The following TFAP4 variants were observed in gnomAD, a reference collection of about 807,000 sequenced individuals.
TFAP4 encodes transcription factor AP-4.
In TFAP4, 7 loss-of-function variants were observed where a neutral mutation model predicts 40.4. The ratio of observed to expected loss-of-function variants is 0.17; its 90% CI spans 0.10 to 0.33. The LOEUF (loss-of-function observed/expected upper bound fraction) is 0.33. Among genes scored for constraint, TFAP4 ranks in the 10% least tolerant of loss-of-function variants. The probability of loss-of-function intolerance (pLI) is 1.00; values close to 1 mark genes in which losing one functional copy is unlikely to be tolerated. For synonymous variants in TFAP4, 218 were observed against 181.4 expected, an observed-to-expected ratio of 1.20 and a Z score of -1.62; for missense variants, 374 against 451.1, an observed-to-expected ratio of 0.83 and a Z score of 1.55.
intron 1 of TFAP4, chr16:4,268,148 G>A (rs928590109): frequency 6.6e-6 from 1 of 152,254 alleles, no homozygotes; most frequent in African/African-American, 2.4e-5. Flanking sequence ...GATCAAGAAA[G>A]GCCAGGCACG....
chr16:4,264,124 G>C (rs1399504483), intron 1 of TFAP4: 1 of 152,594 alleles, frequency 6.6e-6, no homozygotes, highest in African/African-American at 2.4e-5. Context: ...AAGGGTTCTG[G>C]GCAGCTCCTG....
chr16:4,270,342 G>C (rs891539223), intron 1 of TFAP4, among the ~76,000 whole-genome samples: 1 of 152,154 alleles, frequency 6.6e-6, no homozygotes, highest in Non-Finnish European at 1.5e-5. Context: ...ATCCCCTCTG[G>C]CAGGCCTGGG....
In TFAP4 at chr16:4,258,101, A is replaced by T; in HGVS notation, c.971T>A (p.Met324Lys). The T allele has an allele frequency of 1.2e-6, 2 of 1,613,748 alleles. No individual in the cohort carries two copies. The highest frequency in any genetic ancestry group is 1.7e-6 in the Non-Finnish European group (2 of 1,179,928). Residue 324 changes from methionine to lysine, a missense_variant, in exon 7 of 7, where the codon ATG becomes AAG. This residue lies in a region of TFAP4 where 93 missense variants were observed against 79.2 expected (regional missense o/e 1.17). Coordinates refer to ENST00000204517, the MANE Select transcript of TFAP4 (RefSeq NM_003223.3). ...CGACGGCTCCTCCCGGCTCTGGTCC[A>T]TGGCGTCACTGTCTGAGGCCTCGGA... ...SDSEASDSDA[M>K]DQSREEPSGD...
Position 4,260,264 on chromosome 16 carries a change from C to T in TFAP4, c.667-19G>A. 1 of 1,542,770 alleles carries T rather than the reference C, an allele frequency of 6.5e-7. No individual in the cohort carries two copies. The highest frequency in any genetic ancestry group is 1.2e-5 in the South Asian group (1 of 81,326). ...GCAGAAGCTGCAAGACAGAGGCCCT[C>T]AGCCTTTCTCTCAAGGCTTCTCTTG... On this transcript the variant is annotated intron_variant, in intron 5 of 6. Coordinates refer to ENST00000204517, the MANE Select transcript of TFAP4 (RefSeq NM_003223.3).
At chr16:4,259,711 GCCACC>G (rs2052928861) in intron 6 of TFAP4, among the ~76,000 whole-genome samples, 2 of 152,138 alleles carry the variant, frequency 1.3e-5, no homozygotes, top group African/African-American at 2.4e-5. Context: ...CACCAGCCCT[GCCACC>G]TGTATCTCCA....
At position 4,261,801 on chromosome 16, in the gene TFAP4, A is replaced by G. The variant is rs759376749; in HGVS notation, c.503T>C (p.Val168Ala). ...CACCTGCTCCTCCAGCATCATGCGC[A>G]CCGAGCGCTCCTTGTCCAGCTGCTG... ...LRQQLDKERS[V>A]RMMLEEQVRS... The change falls in exon 4 of 7, where the codon GTG becomes GCG. Residue 168 changes from valine (V) to alanine (A), a missense_variant. Val to Ala is a moderately conservative substitution (Grantham distance 64, BLOSUM62 0). Around this residue, in one of 6 missense-constraint regions of TFAP4, gnomAD observed 161 missense variants for 154.2 expected, o/e 1.04. Transcript: ENST00000204517. The G allele has an allele frequency of 1.9e-6, 3 of 1,610,478 alleles. No homozygotes were observed. Among genetic ancestry groups the G allele is most frequent in the Non-Finnish European group, 1.7e-6 (2 of 1,178,558 alleles).
rs150535299 is a variant in TFAP4 at position 4,264,184 on chromosome 16, C to T, written c.90-1483G>A. 768 of 152,712 alleles carry T rather than the reference C, an allele frequency of 5.0e-3. 5 individuals carry two copies. The highest frequency in any genetic ancestry group is 0.013 in the South Asian group (61 of 4,836). The allele number at this position is 152,712 out of a possible 1,614,324, so 9.5% of individuals were successfully genotyped here. A position where few individuals can be genotyped will look rare whatever the true frequency, so the allele number is the denominator to read the frequency against. ...GTCAAGGGGCTGCCAAGTCTAACTC[C>T]CCTGCTGTGTGCCCTGGCCCCTTCG... On this transcript the variant is annotated intron_variant, in intron 1 of 6. Transcript: ENST00000204517.
chr16:4,260,654 G>A (rs1199859741), intron 4 of TFAP4, 59 bp from the exon 5 acceptor site: 1 of 1,516,506 alleles, frequency 6.6e-7, no homozygotes, highest in African/African-American at 1.4e-5. Flanking sequence ...TGCCCTGTCA[G>A]TCTCACAGCA....
chr16:4,272,046 G>A (rs2053044626), intron 1 of TFAP4, among the ~76,000 whole-genome samples: 1 of 151,422 alleles, frequency 6.6e-6, no homozygotes, highest in Non-Finnish European at 1.5e-5. Flanking sequence ...CGTGCCCCGG[G>A]CCGCGGCGCC....
chr16:4,271,722 G>T (rs1490488794), intron 1 of TFAP4, among the ~76,000 whole-genome samples: 1 of 152,188 alleles, frequency 6.6e-6, no homozygotes, highest in African/African-American at 2.4e-5. Flanking sequence ...GGGAAAGTTT[G>T]CAGAGGAAAC....
chr16:4,272,598 G>A (rs1346284100), intron 1 of TFAP4, 60 bp downstream of exon 1: 4 of 1,410,802 alleles, frequency 2.8e-6, no homozygotes, highest in East Asian at 2.6e-5. Flanking sequence ...GCGCCCGCCC[G>A]GGCGGGCTGG....
chr16:4,261,752 C>T (rs1222190664), intron 4 of TFAP4, 27 bp downstream of exon 4: 1 of 1,573,946 alleles, frequency 6.4e-7, no homozygotes, highest in African/African-American at 1.4e-5. Context: ...CACCGCGCGC[C>T]GTGCCCAGCA....
At chr16:4,268,113 C>G (rs548899971) in intron 1 of TFAP4, 1 of 152,350 alleles carries the variant, frequency 6.6e-6, no homozygotes, top group East Asian at 1.9e-4. Context: ...CTTCACTTCA[C>G]AGGGTCATGG....
intron 6 of TFAP4, among the ~76,000 whole-genome samples, chr16:4,259,444 T>A (rs962082298): frequency 1.3e-5 from 2 of 152,222 alleles, no homozygotes; most frequent in Non-Finnish European, 2.9e-5. Flanking sequence ...CATATGTTTA[T>A]GTATTTTAAA....
At chr16:4,271,926 C>A (rs534753677) in intron 1 of TFAP4, among the ~76,000 whole-genome samples, 1 of 152,190 alleles carries the variant, frequency 6.6e-6, no homozygotes, top group African/African-American at 2.4e-5. Context: ...CTACAGCTCC[C>A]GCGAGGCCGC....
At chr16:4,258,543 CTG>C in intron 6 of TFAP4, 1 of 274,142 alleles carries the variant, frequency 3.6e-6, no homozygotes, top group South Asian at 1.1e-4. Flanking sequence ...TCCCTAGTAG[CTG>C]GAACCACAGG....
chr16:4,260,268 C>A, intron 5 of TFAP4, 23 bp from the exon 6 acceptor site: 1 of 1,540,456 alleles, frequency 6.5e-7, no homozygotes, highest in South Asian at 1.2e-5. Context: ...GGCCCTCAGC[C>A]TTTCTCTCAA....
chr16:4,270,407 C>T (rs767792351), intron 1 of TFAP4, among the ~76,000 whole-genome samples: 1 of 152,172 alleles, frequency 6.6e-6, no homozygotes, highest in Non-Finnish European at 1.5e-5. Context: ...GCAAAGCCCA[C>T]CAGCCTGAGA....
chr16:4,259,264 G>C (rs1032500573), intron 6 of TFAP4, among the ~76,000 whole-genome samples: 1 of 151,770 alleles, frequency 6.6e-6, no homozygotes, highest in African/African-American at 2.4e-5. Flanking sequence ...CTCCCGAATA[G>C]CTGGGATTAC....
Sources: allele counts gnomAD v4.1 joint callset (sites outside exome capture counted in the v4.1 genomes callset), GRCh38; gene constraint gnomAD v4.1.1; regional missense constraint gnomAD v4.1.1; transcripts MANE v1.5; gene names NCBI Gene and HGNC (gene_info 2026-07-23, HGNC 2026-07-21).